SCLT1: variants seen among roughly 807,000 people sequenced by gnomAD.
SCLT1 encodes the protein sodium channel-associated protein 1.
SCLT1 carries 78 observed loss-of-function variants against 112.8 expected under a neutral mutation model. The observed-to-expected ratio is 0.69, with a 90% CI of 0.58 to 0.83. SCLT1 has a LOEUF of 0.83. Ranked by LOEUF, SCLT1 falls within the 40% of genes least tolerant of loss-of-function variation. The pLI, the probability that SCLT1 is intolerant of heterozygous loss-of-function variation, is 0.00. For missense variants in SCLT1, 747 were observed against 770.4 expected, an observed-to-expected ratio of 0.97 and a Z score of 0.36; for synonymous variants, 257 against 254.7, an observed-to-expected ratio of 1.01 and a Z score of -0.09.
chr4:128,966,166 T>G (rs781618405), intron 10 of SCLT1, among the ~76,000 whole-genome samples: 28 of 149,874 alleles, frequency 1.9e-4, no homozygotes, highest in Non-Finnish European at 3.7e-4. Context: ...AGTCTTGTTA[T>G]GTTACCTAGG....
intron 18 of SCLT1, among the ~76,000 whole-genome samples, chr4:128,902,670 T>TGTA (rs1385580070): frequency 6.6e-6 from 1 of 152,228 alleles, no homozygotes; most frequent in Admixed American, 6.5e-5. Context: ...TTTACACTTC[T>TGTA]GTAGACTTTA....
intron 16 of SCLT1, among the ~76,000 whole-genome samples, chr4:128,945,300 T>C (rs1738053481): frequency 1.3e-5 from 2 of 152,142 alleles, no homozygotes; most frequent in South Asian, 2.1e-4. Context: ...GTGATACGTC[T>C]CTTAGTACAT....
intron 16 of SCLT1, among the ~76,000 whole-genome samples, chr4:128,945,634 T>C (rs1485741124): frequency 1.3e-5 from 2 of 151,978 alleles, no homozygotes; most frequent in Non-Finnish European, 2.9e-5. Flanking sequence ...GATAATAAAA[T>C]ATACAAGATG....
At chr4:128,902,551 G>C (rs981927226) in intron 18 of SCLT1, among the ~76,000 whole-genome samples, 1 of 152,088 alleles carries the variant, frequency 6.6e-6, no homozygotes, top group Non-Finnish European at 1.5e-5. Flanking sequence ...GATAAAAAAT[G>C]GTACATCTGT....
intron 14 of SCLT1, among the ~76,000 whole-genome samples, chr4:128,949,537 A>T (rs1416915634): frequency 6.6e-6 from 1 of 150,698 alleles, no homozygotes; most frequent in African/African-American, 2.4e-5. Flanking sequence ...CTCTCCCCCT[A>T]CCCCACAACA....
intron 2 of SCLT1, among the ~76,000 whole-genome samples, chr4:129,081,254 C>T (rs988982545): frequency 8.5e-5 from 13 of 152,206 alleles, no homozygotes; most frequent in Admixed American, 8.5e-4. Flanking sequence ...CCCTTCCTAC[C>T]CCTCCCATAT....
chr4:129,052,827 T>A (rs999205016), intron 2 of SCLT1, among the ~76,000 whole-genome samples: 1 of 152,202 alleles, frequency 6.6e-6, no homozygotes, highest in East Asian at 1.9e-4. Flanking sequence ...TGTTAGGGTG[T>A]CAATTTTACA....
At chr4:128,957,173 A>T in intron 12 of SCLT1, 49 bp from the exon 13 acceptor site, 2 of 1,135,672 alleles carry the variant, frequency 1.8e-6, no homozygotes, top group Non-Finnish European at 2.6e-6. Context: ...TTATTAGTAA[A>T]GATAATAACA....
chr4:129,025,574 G>C (rs949375972), intron 5 of SCLT1, among the ~76,000 whole-genome samples: 1 of 152,012 alleles, frequency 6.6e-6, no homozygotes, highest in East Asian at 1.9e-4. Context: ...AGGAACAACC[G>C]GTACCAGCCA....
intron 5 of SCLT1, among the ~76,000 whole-genome samples, chr4:129,027,638 A>C (rs898103870): frequency 6.6e-6 from 1 of 152,110 alleles, no homozygotes; most frequent in Non-Finnish European, 1.5e-5. Flanking sequence ...GTCCTCTCTC[A>C]CCACTCCTAT....
chr4:128,978,857 G>T (rs539787490), intron 9 of SCLT1, among the ~76,000 whole-genome samples: 18 of 152,232 alleles, frequency 1.2e-4, no homozygotes, highest in African/African-American at 4.1e-4. Flanking sequence ...AAGAATTTGG[G>T]ATTGTACAGT....
intron 1 of SCLT1, among the ~76,000 whole-genome samples, chr4:129,085,283 T>C (rs911814023): frequency 2.6e-5 from 4 of 152,164 alleles, no homozygotes; most frequent in Non-Finnish European, 4.4e-5. Context: ...TCACTGATCA[T>C]TAGAGAAATG....
At chr4:128,890,956 A>C (rs1324296764) in intron 19 of SCLT1, 103 bp downstream of exon 19, 2 of 749,656 alleles carry the variant, frequency 2.7e-6, no homozygotes, top group East Asian at 5.1e-5. Flanking sequence ...CTGTATTGTT[A>C]TTTCCAAGTA....
intron 18 of SCLT1, among the ~76,000 whole-genome samples, chr4:128,914,933 T>C (rs754853696): frequency 6.6e-6 from 1 of 152,122 alleles, no homozygotes; most frequent in Non-Finnish European, 1.5e-5. Context: ...CTCATTCTAG[T>C]AAACTCCTTT....
intron 1 of SCLT1, among the ~76,000 whole-genome samples, chr4:129,085,648 T>C (rs1752328302): frequency 2.0e-5 from 3 of 152,028 alleles, no homozygotes. Context: ...CTAAAGAAAA[T>C]GTGGTACATG....
chr4:129,065,484 A>C (rs1750396701), intron 2 of SCLT1, among the ~76,000 whole-genome samples: 1 of 152,080 alleles, frequency 6.6e-6, no homozygotes, highest in South Asian at 2.1e-4. Context: ...TAAATATTTG[A>C]CTTTGTCAAT....
At chr4:128,889,844 A>G (rs1324982564) in intron 19 of SCLT1, among the ~76,000 whole-genome samples, 1 of 152,242 alleles carries the variant, frequency 6.6e-6, no homozygotes, top group Non-Finnish European at 1.5e-5. Flanking sequence ...AGTTAGAAAA[A>G]CACATTTTCT....
At chr4:128,928,699 G>A (rs1187069011) in intron 18 of SCLT1, among the ~76,000 whole-genome samples, 1 of 152,130 alleles carries the variant, frequency 6.6e-6, no homozygotes, top group African/African-American at 2.4e-5. Context: ...AGGCGTGGTG[G>A]TGCATGCCTG....
Position 128,936,869 on chromosome 4 carries a change from A to AAT in SCLT1, c.1633-19_1633-18insAT. On this transcript the variant is annotated intron_variant, in intron 17 of 20. Transcript: ENST00000281142. ...GTACTGATCTAAAGAATAAAATGAA[A>AAT]ACGTATTTTCTTTTTCTTTTCTTAT... 1 of 1,344,286 alleles carries AAT rather than the reference A, an allele frequency of 7.4e-7. No homozygotes were observed. The highest frequency in any genetic ancestry group is 2.4e-5 in the East Asian group (1 of 41,364). The allele number at this position is 1,344,286 out of a possible 1,614,324, so 83.3% of individuals were successfully genotyped here. A position where few individuals can be genotyped will look rare whatever the true frequency, so the allele number is the denominator to read the frequency against.
Sources: allele counts gnomAD v4.1 joint callset (sites outside exome capture counted in the v4.1 genomes callset), GRCh38; gene constraint gnomAD v4.1.1; transcripts MANE v1.5; gene names NCBI Gene and HGNC (gene_info 2026-07-23, HGNC 2026-07-21).